Variants in SHTN1 observed in about 807,000 individuals in gnomAD.
SHTN1 encodes shootin 1.
SHTN1 carries 42 observed loss-of-function variants against 83.1 expected under a neutral mutation model. The ratio of observed to expected loss-of-function variants is 0.51; its 90% CI spans 0.39 to 0.65. The LOEUF (loss-of-function observed/expected upper bound fraction) is 0.65. SHTN1 is among the 30% of genes least tolerant of loss of function. The pLI is 0.00. For missense variants in SHTN1, 622 were observed against 737.8 expected (o/e 0.84, Z 1.82); for synonymous variants, 224 against 247.7 (o/e 0.90, Z 0.90).
At chr10:117,008,237 C>G (rs1221117487), upstream of SHTN1, among the ~76,000 whole-genome samples, 1 of 151,872 alleles carries the variant, frequency 6.6e-6, no homozygotes, top group African/African-American at 2.4e-5. Flanking sequence ...GGAACAGGAC[C>G]AAGGTGTGGG....
chr10:117,108,682 T>G (rs1297377090), intron 1 of SHTN1, among the ~76,000 whole-genome samples: 1 of 151,510 alleles, frequency 6.6e-6, no homozygotes. Context: ...GTTGTGCACA[T>G]GTACCCTAGA....
chr10:117,001,616 T>C (rs1228154675), intron 1 of SHTN1, among the ~76,000 whole-genome samples: 4 of 152,142 alleles, frequency 2.6e-5, no homozygotes, highest in Non-Finnish European at 5.9e-5. Context: ...GAAGAGAGAT[T>C]GTTTAATGGG....
intron 2 of SHTN1, among the ~76,000 whole-genome samples, chr10:116,977,629 T>C (rs958322412): frequency 1.3e-5 from 2 of 151,588 alleles, no homozygotes; most frequent in Non-Finnish European, 2.9e-5. Context: ...TTAGAAATCA[T>C]GCCAAACTAC....
chr10:116,929,265 G>A (rs1403129931), intron 10 of SHTN1, among the ~76,000 whole-genome samples: 1 of 152,060 alleles, frequency 6.6e-6, no homozygotes, highest in Non-Finnish European at 1.5e-5. Context: ...AATCTAACTC[G>A]CACATTCCCG....
At chr10:117,068,399 C>T (rs1853034223) in intron 1 of SHTN1, among the ~76,000 whole-genome samples, 1 of 152,048 alleles carries the variant, frequency 6.6e-6, no homozygotes, top group African/African-American at 2.4e-5. Context: ...TTGCAACGAT[C>T]TTTACTGGGT....
Position 117,005,029 on chromosome 10 carries a change from C to T in SHTN1, c.51G>A (p.Lys17=), listed in dbSNP as rs1448858983. 1.3e-6 allele frequency: 2 copies of T among 1,597,086 alleles called. No individual in the cohort carries two copies. Among genetic ancestry groups the T allele is most frequent in the East Asian group, 2.3e-5 (1 of 44,432 alleles). Residue 17 remains lysine, a synonymous_variant, in exon 1 of 17, where the codon AAG becomes AAA. Coordinates refer to ENST00000355371, the MANE Select transcript of SHTN1 (RefSeq NM_001127211.3). Reference sequence around the variant, plus strand: ...CGCCCGCGTGCTGCCTACCTTGCTCCTTCAGACTGGTAATGAGCTGCAGCT... The same window carrying T: ...CGCCCGCGTGCTGCCTACCTTGCTCTTTCAGACTGGTAATGAGCTGCAGCT... ...EKQLQLITSL[K]EQAIGEYEDL...
intron 1 of SHTN1, among the ~76,000 whole-genome samples, chr10:116,997,965 G>A (rs188014807): frequency 5.5e-4 from 83 of 152,256 alleles, no homozygotes; most frequent in African/African-American, 1.5e-3. Context: ...GGTGGCGGGC[G>A]CCTGTAGTCC....
chr10:117,120,392 C>A (rs1346538347), intron 1 of SHTN1, among the ~76,000 whole-genome samples: 1 of 151,586 alleles, frequency 6.6e-6, no homozygotes, highest in Non-Finnish European at 1.5e-5. Flanking sequence ...GGACTACAGG[C>A]ACCCGCCACC....
chr10:117,099,985 C>T (rs1195432382), intron 1 of SHTN1, among the ~76,000 whole-genome samples: 1 of 152,064 alleles, frequency 6.6e-6, no homozygotes, highest in Admixed American at 6.6e-5. Flanking sequence ...CGAGACCAGC[C>T]TGACCAACAT....
intron 1 of SHTN1, among the ~76,000 whole-genome samples, chr10:117,000,054 C>T (rs907362253): frequency 6.6e-6 from 1 of 152,214 alleles, no homozygotes; most frequent in African/African-American, 2.4e-5. Flanking sequence ...CACTCCCTAA[C>T]TTTCAGAGGA....
chr10:117,083,607 C>T (rs984724634), intron 1 of SHTN1, among the ~76,000 whole-genome samples: 150 of 150,958 alleles, frequency 9.9e-4, no homozygotes, highest in Non-Finnish European at 1.7e-3. Context: ...GGGAAGTTCT[C>T]CTGGATAATA....
intron 2 of SHTN1, among the ~76,000 whole-genome samples, chr10:117,026,104 A>T (rs1262818625): frequency 1.3e-5 from 2 of 150,828 alleles, no homozygotes; most frequent in African/African-American, 4.9e-5. Context: ...TAGAGCACCA[A>T]GTAGGCTCCT....
chr10:116,953,736 TC>T (rs1369062779), intron 5 of SHTN1, among the ~76,000 whole-genome samples: 2 of 150,658 alleles, frequency 1.3e-5, no homozygotes, highest in African/African-American at 4.9e-5. Context: ...CAAGTGATTC[TC>T]CCGCCTCAGC....
At chr10:117,028,936 G>A (rs1852367831) in intron 2 of SHTN1, among the ~76,000 whole-genome samples, 1 of 152,176 alleles carries the variant, frequency 6.6e-6, no homozygotes, top group Non-Finnish European at 1.5e-5. Flanking sequence ...GTGAGAAGAG[G>A]ACCACTGCCT....
chr10:116,954,852 G>A (rs1344706155), intron 4 of SHTN1, among the ~76,000 whole-genome samples: 1 of 152,150 alleles, frequency 6.6e-6, no homozygotes, highest in African/African-American at 2.4e-5. Context: ...AGGAAAAGAG[G>A]AAGGTAGTTT....
intron 8 of SHTN1, among the ~76,000 whole-genome samples, chr10:116,941,787 C>T (rs1410655213): frequency 2.0e-5 from 3 of 152,116 alleles, no homozygotes; most frequent in Admixed American, 6.5e-5. Context: ...TGATCAGTAT[C>T]GACTTCCACA....
chr10:116,994,656 T>C (rs1851564912), intron 1 of SHTN1, among the ~76,000 whole-genome samples: 1 of 152,154 alleles, frequency 6.6e-6, no homozygotes, highest in Non-Finnish European at 1.5e-5. Context: ...CTATATGCCT[T>C]CCTATTTGCT....
chr10:117,087,343 C>T (rs905703427), intron 1 of SHTN1, among the ~76,000 whole-genome samples: 1 of 152,088 alleles, frequency 6.6e-6, no homozygotes, highest in Non-Finnish European at 1.5e-5. Flanking sequence ...CTACCGGGTA[C>T]AAAGATTTCA....
At chr10:117,072,149 C>T (rs1356312945) in intron 1 of SHTN1, among the ~76,000 whole-genome samples, 2 of 152,140 alleles carry the variant, frequency 1.3e-5, no homozygotes, top group South Asian at 2.1e-4. Context: ...ATAGACTGGC[C>T]TAGCCTCCCA....
Sources: allele counts gnomAD v4.1 joint callset (sites outside exome capture counted in the v4.1 genomes callset), GRCh38; gene constraint gnomAD v4.1.1; transcripts MANE v1.5; gene names NCBI Gene and HGNC (gene_info 2026-07-23, HGNC 2026-07-21).